The following MUCL1 variants were observed in gnomAD, a reference collection of about 807,000 sequenced individuals.
The protein encoded by MUCL1 is mucin-like protein 1.
Under a neutral mutation model 9.2 loss-of-function variants are expected in MUCL1, and 11 were observed. The observed-to-expected ratio is 1.19, with a 90% CI of 0.75 to 1.97. The LOEUF is 1.97. Ranked by LOEUF, MUCL1 falls within the 30% of genes most tolerant of loss-of-function variation. The probability of loss-of-function intolerance (pLI) is 0.00; values close to 1 mark genes in which losing one functional copy is unlikely to be tolerated. For missense variants in MUCL1, 144 were observed against 110.9 expected (o/e 1.30, Z -1.34); for synonymous variants, 48 against 40.5 (o/e 1.19, Z -0.71).
upstream of MUCL1, among the ~76,000 whole-genome samples, chr12:54,854,081 G>T (rs906721847): frequency 7.2e-5 from 11 of 152,146 alleles, no homozygotes; most frequent in Non-Finnish European, 1.5e-4. Context: ...AGTTACACCG[G>T]ATGGTCTTTG....
At chr12:54,849,373 C>G (rs1459258606) in intron 1 of MUCL1, among the ~76,000 whole-genome samples, 2 of 151,864 alleles carry the variant, frequency 1.3e-5, no homozygotes, top group Non-Finnish European at 2.9e-5. Flanking sequence ...ATATAATTAC[C>G]AAGTAAAAAT....
Position 54,845,325 on chromosome 12 carries a change from C to T in MUCL1, c.43+5878C>T, listed in dbSNP as rs1309959893. On this transcript the variant is annotated intron_variant, in intron 1 of 3. Coordinates refer to the MUCL1 transcript ENST00000546809. Reference sequence around the variant, plus strand: ...AAGGAGGGCCTTTATAGTGAGTTGACTGGCAAGGAGACAGGAGGTAACACT... The same window carrying T: ...AAGGAGGGCCTTTATAGTGAGTTGATTGGCAAGGAGACAGGAGGTAACACT... Among the ~76,000 whole-genome samples the T allele has an allele frequency of 2.6e-5, 4 of 152,290 alleles. No homozygotes were observed. In the East Asian group the frequency reaches 5.8e-4, roughly 22 times the overall value.
chr12:54,852,194 G>C (rs1401158594), upstream of MUCL1, among the ~76,000 whole-genome samples: 2 of 152,166 alleles, frequency 1.3e-5, 1 homozygote, highest in South Asian at 4.1e-4. Context: ...AGCCCACATT[G>C]CCAAGTCAAT....
At chr12:54,842,830 C>T (rs1959219245) in intron 1 of MUCL1, among the ~76,000 whole-genome samples, 1 of 152,044 alleles carries the variant, frequency 6.6e-6, no homozygotes, top group Non-Finnish European at 1.5e-5. Flanking sequence ...ATCTCTAGCA[C>T]ATTATCAATA....
In MUCL1 at chr12:54,833,759, G is replaced by C. The variant is rs1959188598; in HGVS notation, n.357+2884G>C. Among the ~76,000 whole-genome samples the C allele has an allele frequency of 2.0e-5, 3 of 149,642 alleles. No homozygotes were observed. In the Admixed American group the frequency reaches 2.0e-4, roughly 10 times the overall value. On this transcript the variant is annotated intron_variant and non_coding_transcript_variant, in intron 1 of 3. Coordinates refer to the MUCL1 transcript ENST00000547990. Reference sequence around the variant, plus strand: ...CACCGCATGTTCTCACTCATAGAGGGGAATTGAACAATGAGAACACATGAA... The same window carrying C: ...CACCGCATGTTCTCACTCATAGAGGCGAATTGAACAATGAGAACACATGAA...
rs1208572977 is a variant in MUCL1, at chr12:54,858,277, C to G, written c.*35C>G. On this transcript the variant is annotated 3_prime_UTR_variant, in exon 4 of 4. Transcript: ENST00000308796. ...AGCTTGAGTCTTCTGCAATTGGTCA[C>G]AACTATTCATGCTTCCTGTGATTTC... 2 of 1,611,908 alleles carry G rather than the reference C, an allele frequency of 1.2e-6. No individual in the cohort carries two copies. The highest frequency in any genetic ancestry group is 1.7e-6 in the Non-Finnish European group (2 of 1,178,310).
chr12:54,842,862 A>G (rs1053145081), intron 1 of MUCL1, among the ~76,000 whole-genome samples: 1 of 152,170 alleles, frequency 6.6e-6, no homozygotes, highest in East Asian at 1.9e-4. Flanking sequence ...ACCATGCAAC[A>G]GTGCTTTGGT....
chr12:54,855,751 C>G (rs953575114), intron 2 of MUCL1, among the ~76,000 whole-genome samples: 9 of 152,236 alleles, frequency 5.9e-5, no homozygotes, highest in Non-Finnish European at 1.3e-4. Context: ...TCTTCACATT[C>G]TGTACTGTGT....
intron 1 of MUCL1, among the ~76,000 whole-genome samples, chr12:54,848,356 T>C (rs773068414): frequency 4.6e-5 from 7 of 152,180 alleles, no homozygotes; most frequent in Non-Finnish European, 1.0e-4. Flanking sequence ...ATTTGGGGAT[T>C]AATAATAGAT....
chr12:54,839,506 G>A (rs1959200387), intron 1 of MUCL1: 4 of 700,714 alleles, frequency 5.7e-6, no homozygotes, highest in Non-Finnish European at 1.0e-5. Flanking sequence ...GAGGCAGCTG[G>A]GGGAGGTCTC....
At chr12:54,852,744 T>C (rs1345646323), upstream of MUCL1, among the ~76,000 whole-genome samples, 3 of 152,196 alleles carry the variant, frequency 2.0e-5, no homozygotes, top group Non-Finnish European at 2.9e-5. Flanking sequence ...CTTCAATTTG[T>C]GTCAGTGTTG....
intron 1 of MUCL1, among the ~76,000 whole-genome samples, chr12:54,845,354 A>C (rs896940909): frequency 6.6e-6 from 1 of 152,182 alleles, no homozygotes; most frequent in Non-Finnish European, 1.5e-5. Context: ...TAACACTCAA[A>C]TTTGTCTCCC....
At chr12:54,855,238 A>T in intron 2 of MUCL1, 81 bp downstream of exon 2, 1 of 1,253,008 alleles carries the variant, frequency 8.0e-7, no homozygotes, top group Non-Finnish European at 1.2e-6. Context: ...GCCAGTTTCC[A>T]TGTGGATAGT....
chr12:54,854,505 A>G, upstream of MUCL1: 1 of 1,150,708 alleles, frequency 8.7e-7, no homozygotes, highest in Non-Finnish European at 1.3e-6. Flanking sequence ...AGGATGTGGA[A>G]TCCTGAAGTC....
intron 2 of MUCL1, among the ~76,000 whole-genome samples, chr12:54,855,966 C>G (rs1037912301): frequency 6.6e-6 from 1 of 152,178 alleles, no homozygotes; most frequent in Non-Finnish European, 1.5e-5. Context: ...GGAGGTGGAG[C>G]TACTTATTTG....
At chr12:54,836,554 CT>C (rs1372222462), upstream of MUCL1, among the ~76,000 whole-genome samples, 5 of 152,038 alleles carry the variant, frequency 3.3e-5, no homozygotes, top group East Asian at 9.7e-4. Flanking sequence ...TTTCATTGAT[CT>C]TTTTTGTATT....
At chr12:54,832,876 G>C (rs1959187255) in intron 1 of MUCL1, among the ~76,000 whole-genome samples, 1 of 152,036 alleles carries the variant, frequency 6.6e-6, no homozygotes, top group African/African-American at 2.4e-5. Context: ...AAAATTTCTA[G>C]AAATTTTGTA....
chr12:54,852,452 A>T (rs1225935695), upstream of MUCL1, among the ~76,000 whole-genome samples: 1 of 152,222 alleles, frequency 6.6e-6, no homozygotes, highest in East Asian at 1.9e-4. Flanking sequence ...CTGGCTAGCC[A>T]TATGTAGAAA....
intron 2 of MUCL1, 46 bp downstream of exon 2, chr12:54,855,203 T>C: frequency 6.3e-7 from 1 of 1,576,386 alleles, no homozygotes; most frequent in Non-Finnish European, 8.7e-7. Context: ...ATAACCATTT[T>C]TCACTTCCAG....
Sources: allele counts gnomAD v4.1 joint callset (sites outside exome capture counted in the v4.1 genomes callset), GRCh38; gene constraint gnomAD v4.1.1; transcripts MANE v1.5; gene names NCBI Gene and HGNC (gene_info 2026-07-23, HGNC 2026-07-21).